Variants in FAM53B observed in about 807,000 individuals in gnomAD.
The protein encoded by FAM53B is protein FAM53B.
FAM53B carries 12 observed loss-of-function variants against 32.7 expected under a neutral mutation model. The observed-to-expected ratio is 0.37, with a 90% confidence interval of 0.24 to 0.59. The LOEUF is 0.59. Ranked by LOEUF, FAM53B falls within the 20% of genes least tolerant of loss-of-function variation. The pLI, the probability that FAM53B is intolerant of heterozygous loss-of-function variation, is 0.72. For synonymous variants in FAM53B, 234 were observed against 228.7 expected (o/e 1.02, Z -0.21); for missense variants, 477 against 577.7 (o/e 0.83, Z 1.79).
intron 4 of FAM53B, among the ~76,000 whole-genome samples, chr10:124,673,494 T>C (rs1949719440): frequency 6.6e-6 from 1 of 152,164 alleles, no homozygotes; most frequent in African/African-American, 2.4e-5. Flanking sequence ...CAGCATAAGT[T>C]AACCCCGAGC....
intron 1 of FAM53B, among the ~76,000 whole-genome samples, chr10:124,720,364 G>A (rs1950061986): frequency 6.6e-6 from 1 of 152,182 alleles, no homozygotes; most frequent in Non-Finnish European, 1.5e-5. Flanking sequence ...TACTCAGGAG[G>A]CGGAAGCAAG....
chr10:124,637,245 G>A lies in FAM53B; in HGVS notation c.907-13641C>T, dbSNP rs537710467. Among the ~76,000 whole-genome samples the A allele has an allele frequency of 3.3e-5, 5 of 152,294 alleles. No individual in the cohort carries two copies. The South Asian group carries it at 6.2e-4, about 19-fold the overall frequency. On this transcript the variant is annotated intron_variant, in intron 4 of 4. Coordinates refer to ENST00000337318, the MANE Select transcript of FAM53B (RefSeq NM_014661.4). ...GCTGGTGCTGGGCCTCACAGGGTCC[G>A]CAGGTGGCAGGAGACAACCAGACAT...
Position 124,622,135 on chromosome 10 carries a change from C to G in FAM53B, c.*1107G>C, listed in dbSNP as rs1245786182. The G allele has an allele frequency of 1.3e-5, 2 of 152,236 alleles. No individual in the cohort carries two copies. The highest frequency in any genetic ancestry group is 2.4e-5 in the African/African-American group (1 of 41,444). The allele number at this position is 152,236 out of a possible 1,614,324, so 9.4% of individuals were successfully genotyped here. On this transcript the variant is annotated 3_prime_UTR_variant, in exon 5 of 5. Coordinates refer to ENST00000337318, the MANE Select transcript of FAM53B (RefSeq NM_014661.4). ...TGCAGCCCTCAGGACTGGGCTCCCCCTAAGCTGACAAGGGCGTGGGCTTGT... is the reference window on the plus strand; with the variant it reads ...TGCAGCCCTCAGGACTGGGCTCCCCGTAAGCTGACAAGGGCGTGGGCTTGT...
intron 4 of FAM53B, among the ~76,000 whole-genome samples, chr10:124,657,033 TATAA>T (rs1416392952): frequency 1.4e-5 from 2 of 147,342 alleles, no homozygotes; most frequent in Non-Finnish European, 1.5e-5. Context: ...GAACTTAAAG[TATAA>T]ATATATATAT....
chr10:124,645,887 G>A (rs934962145), intron 4 of FAM53B, among the ~76,000 whole-genome samples: 22 of 152,276 alleles, frequency 1.4e-4, no homozygotes, highest in African/African-American at 5.3e-4. Flanking sequence ...ACAGGTAACA[G>A]GATGCCCTGC....
rs1407041395 is a variant in FAM53B at position 124,651,990 on chromosome 10, GCC to G, written c.907-28388_907-28387del. On this transcript the variant is annotated intron_variant, in intron 4 of 4. Transcript: ENST00000337318. This position sits in a 1 kb window ranked among gnomAD's most constrained non-coding sequence, Gnocchi z 5.2. Reference sequence around the variant, plus strand: ...GTGAACTCAGGGGCCAGGAAGCGAGGCCCCTGCCCTCCAGGAGTCCCTTTCCA... The same window carrying G: ...GTGAACTCAGGGGCCAGGAAGCGAGGCCTGCCCTCCAGGAGTCCCTTTCCA... Among the ~76,000 whole-genome samples the G allele has an allele frequency of 2.0e-5, 3 of 152,156 alleles. No homozygotes were observed. Among genetic ancestry groups the G allele is most frequent in the Non-Finnish European group, 4.4e-5 (3 of 68,028 alleles).
intron 4 of FAM53B, among the ~76,000 whole-genome samples, chr10:124,630,250 CA>C (rs989569393): frequency 6.6e-6 from 1 of 152,026 alleles, no homozygotes; most frequent in Non-Finnish European, 1.5e-5. Context: ...CCATTTCTAC[CA>C]AAAAAACTAA....
chr10:124,634,364 A>T, intron 4 of FAM53B, among the ~76,000 whole-genome samples: 1 of 152,196 alleles, frequency 6.6e-6, no homozygotes, highest in East Asian at 1.9e-4. Context: ...AAACCCACTG[A>T]TACGGTTTGG....
At chr10:124,667,169 G>C (rs2134060349) in intron 4 of FAM53B, 3 of 534,360 alleles carry the variant, frequency 5.6e-6, no homozygotes, top group South Asian at 2.4e-5. Flanking sequence ...TCTGAAACCA[G>C]TAAGAAAAAA....
chr10:124,693,573 T>C (rs1949849332), intron 3 of FAM53B, among the ~76,000 whole-genome samples: 1 of 152,070 alleles, frequency 6.6e-6, no homozygotes, highest in African/African-American at 2.4e-5. Context: ...AGAGGTAACC[T>C]GAGCTTCCAC....
chr10:124,658,736 G>A (rs1400718873), intron 4 of FAM53B, among the ~76,000 whole-genome samples: 2 of 152,192 alleles, frequency 1.3e-5, no homozygotes, highest in African/African-American at 4.8e-5. Context: ...GGCCACAACT[G>A]CAGTGCAGTG....
At chr10:124,689,589 A>G (rs1409974075) in intron 3 of FAM53B, among the ~76,000 whole-genome samples, 1 of 152,240 alleles carries the variant, frequency 6.6e-6, no homozygotes, top group Non-Finnish European at 1.5e-5. Context: ...GAGGTAATGC[A>G]CCATCAGGCC....
At chr10:124,694,005 C>G (rs1267323438) in intron 3 of FAM53B, among the ~76,000 whole-genome samples, 1 of 152,212 alleles carries the variant, frequency 6.6e-6, no homozygotes, top group Non-Finnish European at 1.5e-5. Context: ...CCATGCAGGT[C>G]AGGGTTTTCC....
chr10:124,625,042 A>G (rs937319337), intron 4 of FAM53B, among the ~76,000 whole-genome samples: 1 of 152,192 alleles, frequency 6.6e-6, no homozygotes, highest in African/African-American at 2.4e-5. Flanking sequence ...CCCTCGCCGC[A>G]CGCCTGCTGA....
At chr10:124,667,965 C>T (rs1181801926) in intron 4 of FAM53B, among the ~76,000 whole-genome samples, 9 of 152,072 alleles carry the variant, frequency 5.9e-5, no homozygotes, top group Admixed American at 5.2e-4. Context: ...CAGGGCTACT[C>T]GGCTGGTGAG....
In FAM53B at chr10:124,675,267, G is replaced by C. The variant is rs11818847; in HGVS notation, c.906+6340C>G. ...CAACACTCCGTCAAAAGAAAGGAAA[G>C]AAAGGGAGGGAAAGGAAGGAAGGGA... On this transcript the variant is annotated intron_variant, in intron 4 of 4. Coordinates refer to ENST00000337318, the MANE Select transcript of FAM53B (RefSeq NM_014661.4). Among the ~76,000 whole-genome samples, 319 of 152,310 alleles carry C rather than the reference G, an allele frequency of 2.1e-3. 4 individuals are homozygous for C. Among genetic ancestry groups the C allele is most frequent in the African/African-American group, 7.4e-3 (307 of 41,574 alleles).
At chr10:124,627,965 C>A (rs1214355588) in intron 4 of FAM53B, among the ~76,000 whole-genome samples, 1 of 152,208 alleles carries the variant, frequency 6.6e-6, no homozygotes, top group African/African-American at 2.4e-5. Context: ...GAAATACAGA[C>A]CTGCCTCAGG....
intron 3 of FAM53B, among the ~76,000 whole-genome samples, chr10:124,694,752 G>A (rs1949858026): frequency 6.6e-6 from 1 of 152,210 alleles, no homozygotes; most frequent in African/African-American, 2.4e-5. Context: ...CCACCGGGGA[G>A]GTATTCAATC....
At chr10:124,681,532 C>G in intron 4 of FAM53B, 75 bp downstream of exon 4, 1 of 1,340,582 alleles carries the variant, frequency 7.5e-7, no homozygotes, top group Non-Finnish European at 1.0e-6. Flanking sequence ...GCAATCTATG[C>G]TTGTCTAGGA....
Sources: allele counts gnomAD v4.1 joint callset (sites outside exome capture counted in the v4.1 genomes callset), GRCh38; gene constraint gnomAD v4.1.1; non-coding constraint Gnocchi (gnomAD v3.1); transcripts MANE v1.5; gene names NCBI Gene and HGNC (gene_info 2026-07-23, HGNC 2026-07-21).